DPP6: variants seen among roughly 807,000 people sequenced by gnomAD.
The protein encoded by DPP6 is A-type potassium channel modulatory protein DPP6.
In DPP6, 69 loss-of-function variants were observed where a neutral mutation model predicts 122.6. The observed-to-expected ratio is 0.56, with a 90% CI of 0.46 to 0.69. DPP6 has a LOEUF of 0.69. Among genes scored for constraint, DPP6 ranks in the 30% least tolerant of loss-of-function variants. The probability of loss-of-function intolerance (pLI) is 0.00; values close to 1 mark genes in which losing one functional copy is unlikely to be tolerated. For missense variants in DPP6, 928 were observed against 1,116.9 expected, an observed-to-expected ratio of 0.83 and a Z score of 2.41; for synonymous variants, 418 against 433.1, an observed-to-expected ratio of 0.97 and a Z score of 0.43.
chr7:154,722,601 C>T (rs148836389), intron 7 of DPP6, among the ~76,000 whole-genome samples: 12 of 152,172 alleles, frequency 7.9e-5, no homozygotes, highest in Non-Finnish European at 1.0e-4. Flanking sequence ...TGGTGTGCAA[C>T]GTATGAGATA....
chr7:154,653,352 CAT>C (rs1837004099), intron 6 of DPP6, among the ~76,000 whole-genome samples: 1 of 151,990 alleles, frequency 6.6e-6, no homozygotes, highest in Non-Finnish European at 1.5e-5. Flanking sequence ...TGTCTCTAAA[CAT>C]AGATAGATAG....
At chr7:153,936,497 G>C (rs935883948) in intron 1 of DPP6, among the ~76,000 whole-genome samples, 5 of 152,120 alleles carry the variant, frequency 3.3e-5, no homozygotes, top group Non-Finnish European at 7.3e-5. Context: ...CTGGGACTGA[G>C]TTAATGCCAC....
chr7:153,841,081 C>A, the DPP6 span, among the ~76,000 whole-genome samples: 1 of 152,210 alleles, frequency 6.6e-6, no homozygotes, highest in Non-Finnish European at 1.5e-5. Context: ...CTGTCAGCGG[C>A]CTGCGGTTTG....
intron 16 of DPP6, among the ~76,000 whole-genome samples, chr7:154,852,500 G>GCCTCTCCTGCCTCTCCTC (rs147793386): frequency 0.38 from 53,751 of 142,902 alleles, 12,174 homozygotes; most frequent in East Asian, 0.73. Context: ...TGCCTCTCCT[G>GCCTCTCCTGCCTCTCCTC]CCTCTCCTCC....
intron 1 of DPP6, among the ~76,000 whole-genome samples, chr7:153,892,821 A>G (rs958728590): frequency 6.6e-6 from 1 of 152,126 alleles, no homozygotes; most frequent in Non-Finnish European, 1.5e-5. Flanking sequence ...CAGTTTTCTG[A>G]GAGTTGTCAC....
chr7:154,078,946 C>CAA (rs67950621), intron 1 of DPP6, among the ~76,000 whole-genome samples: 138 of 112,516 alleles, frequency 1.2e-3, no homozygotes, highest in South Asian at 2.2e-3. Context: ...CATTCTTTTC[C>CAA]AAAAAAAAAA....
intron 1 of DPP6, among the ~76,000 whole-genome samples, chr7:154,392,019 G>A (rs10261028): frequency 0.86 from 131,008 of 152,190 alleles, 58,005 homozygotes; most frequent in East Asian, 1. Flanking sequence ...CACACCTATA[G>A]TCCCAGCACT....
At chr7:154,012,268 A>G (rs184345829) in intron 1 of DPP6, among the ~76,000 whole-genome samples, 2,280 of 152,298 alleles carry the variant, frequency 0.015, 122 homozygotes, top group East Asian at 0.11. Context: ...CAAAGATCTA[A>G]ATTAAAAACT....
At chr7:154,400,572 A>C (rs529346729) in intron 1 of DPP6, among the ~76,000 whole-genome samples, 1 of 152,306 alleles carries the variant, frequency 6.6e-6, no homozygotes, top group East Asian at 1.9e-4. Context: ...TGCCAACCAG[A>C]GAATCATTTT....
chr7:154,532,138 TAC>T (rs1206575489), intron 3 of DPP6, among the ~76,000 whole-genome samples: 1 of 152,146 alleles, frequency 6.6e-6, no homozygotes. Flanking sequence ...CTGAAATATA[TAC>T]AGAGTATTCT....
intron 1 of DPP6, among the ~76,000 whole-genome samples, chr7:154,426,556 T>C (rs1817927929): frequency 6.6e-6 from 1 of 152,120 alleles, no homozygotes; most frequent in Non-Finnish European, 1.5e-5. Flanking sequence ...GTGGGGTGCA[T>C]CTCATTAGAA....
intron 1 of DPP6, among the ~76,000 whole-genome samples, chr7:154,317,807 T>G (rs4269448): frequency 0.59 from 89,400 of 151,984 alleles, 26,781 homozygotes; most frequent in South Asian, 0.67. Flanking sequence ...ATACTTAAAG[T>G]AACAGACAGT....
intron 5 of DPP6, among the ~76,000 whole-genome samples, chr7:154,582,990 G>C (rs1384531922): frequency 1.3e-5 from 2 of 152,280 alleles, no homozygotes; most frequent in South Asian, 4.1e-4. Flanking sequence ...GCCAGGGATG[G>C]AGGGCTGTGG....
chr7:154,866,144 C>A (rs1012397543), intron 17 of DPP6, among the ~76,000 whole-genome samples: 1 of 152,220 alleles, frequency 6.6e-6, no homozygotes, highest in Non-Finnish European at 1.5e-5. Flanking sequence ...AAACACAGGG[C>A]AGCACGTGCA....
intron 1 of DPP6, among the ~76,000 whole-genome samples, chr7:154,262,513 C>T (rs1803094917): frequency 6.6e-6 from 1 of 152,064 alleles, no homozygotes. Flanking sequence ...GGAATCCAGC[C>T]CAGCCGGCTC....
chr7:153,833,395 C>T, the DPP6 span, among the ~76,000 whole-genome samples: 10 of 152,176 alleles, frequency 6.6e-5, no homozygotes, highest in Admixed American at 1.3e-4. Context: ...AGAAGCCAGC[C>T]GGGCATGGTG....
chr7:153,773,524 T>A, the DPP6 span, among the ~76,000 whole-genome samples: 1 of 151,700 alleles, frequency 6.6e-6, no homozygotes, highest in South Asian at 2.1e-4. Context: ...GATCTCAAAT[T>A]GCTAGGGATT....
At chr7:154,707,535 A>C (rs182381765) in intron 7 of DPP6, among the ~76,000 whole-genome samples, 2 of 152,186 alleles carry the variant, frequency 1.3e-5, no homozygotes, top group Middle Eastern at 3.2e-3. Flanking sequence ...CTTGCATGCC[A>C]ACTGCTCAGC....
chr7:154,074,151 A>G (rs1803377651), intron 1 of DPP6, among the ~76,000 whole-genome samples: 1 of 45,800 alleles, frequency 2.2e-5, no homozygotes, highest in African/African-American at 9.9e-5. Context: ...CTATATATGT[A>G]TATAGATATG....
Sources: gnomAD v4.1 joint callset for allele counts (sites outside exome capture counted in the v4.1 genomes callset) on GRCh38, gnomAD v4.1.1 for gene constraint, MANE v1.5 for transcripts, NCBI Gene and HGNC (gene_info 2026-07-23, HGNC 2026-07-21) for gene names.